CECR2: variants seen among roughly 807,000 people sequenced by gnomAD.
CECR2 encodes CECR2 histone acetyl-lysine reader.
CECR2 carries 30 observed loss-of-function variants against 154.5 expected under a neutral mutation model. That is an observed-to-expected ratio of 0.19 (90% confidence interval 0.15 to 0.26). CECR2 has a LOEUF of 0.26. Ranked by LOEUF, CECR2 falls within the 10% of genes least tolerant of loss-of-function variation. The pLI is 1.00. For missense variants in CECR2, 1,743 were observed against 1,829.3 expected, an observed-to-expected ratio of 0.95 and a Z score of 0.86; for synonymous variants, 725 against 683.7, an observed-to-expected ratio of 1.06 and a Z score of -0.94.
intron 2 of CECR2, among the ~76,000 whole-genome samples, 189 bp from the exon 3 acceptor site, chr22:17,497,214 G>GAGCCC (rs746802220): frequency 3.9e-5 from 6 of 152,048 alleles, no homozygotes; most frequent in Non-Finnish European, 7.4e-5. Context: ...AAAATCTTTT[G>GAGCCC]AGCCCAGGAG....
intron 17 of CECR2, among the ~76,000 whole-genome samples, chr22:17,550,966 G>C (rs564070157): frequency 6.6e-6 from 1 of 152,186 alleles, no homozygotes; most frequent in Admixed American, 6.5e-5. Flanking sequence ...ATGAAGCATA[G>C]TCTTGAAACC....
chr22:17,377,130 TC>T (rs2063128133), intron 1 of CECR2, among the ~76,000 whole-genome samples: 1 of 152,318 alleles, frequency 6.6e-6, no homozygotes, highest in African/African-American at 2.4e-5. Context: ...TCTTAACTAA[TC>T]TAGAAAATTG....
At position 17,542,525 on chromosome 22, in the gene CECR2, G is replaced by A; in HGVS notation, c.2382G>A (p.Leu794=). ...TGGGCCCAGATGAGAAGCCCCACCTGGGGCCAGGACCCTCTCACCAGCCTC... is the reference window on the plus strand; with the variant it reads ...TGGGCCCAGATGAGAAGCCCCACCTAGGGCCAGGACCCTCTCACCAGCCTC... The part of the protein sequence containing the change: ...GPLGPDEKPH[L]GPGPSHQPRT... Residue 794 remains leucine, a synonymous_variant, in exon 16 of 19, where the codon CTG becomes CTA. Coordinates refer to ENST00000262608, the MANE Select transcript of CECR2 (RefSeq NM_001290047.2). 6.2e-7 allele frequency: 1 copy of A among 1,613,998 alleles called. No homozygotes were observed. Among genetic ancestry groups the A allele is most frequent in the South Asian group, 1.1e-5 (1 of 91,088 alleles).
chr22:17,363,528 A>T (rs931620424), intron 1 of CECR2, among the ~76,000 whole-genome samples: 14 of 152,008 alleles, frequency 9.2e-5, no homozygotes, highest in Non-Finnish European at 4.4e-5. Flanking sequence ...TTTTAAGCAA[A>T]GACAGGGTTT....
chr22:17,409,367 G>A (rs947597386), intron 1 of CECR2, among the ~76,000 whole-genome samples: 2 of 110,916 alleles, frequency 1.8e-5, no homozygotes, highest in Admixed American at 1.9e-4. Flanking sequence ...TCTTGACCTC[G>A]TGATCTGCCT....
At chr22:17,474,781 T>C (rs2055182044) in intron 1 of CECR2, among the ~76,000 whole-genome samples, 1 of 152,324 alleles carries the variant, frequency 6.6e-6, no homozygotes, top group South Asian at 2.1e-4. Context: ...AGTCACCTCC[T>C]TGAAAACACC....
intron 1 of CECR2, among the ~76,000 whole-genome samples, chr22:17,474,935 T>C (rs1007618366): frequency 3.3e-5 from 5 of 152,164 alleles, no homozygotes; most frequent in African/African-American, 4.8e-5. Context: ...AGTGTTGCCT[T>C]TATTATTTAA....
At chr22:17,383,592 GAAAA>G (rs927819607) in intron 1 of CECR2, among the ~76,000 whole-genome samples, 1 of 143,770 alleles carries the variant, frequency 7.0e-6, no homozygotes, top group Non-Finnish European at 1.5e-5. Flanking sequence ...GAAAAGAAAA[GAAAA>G]AACTCCTCCA....
chr22:17,484,512 CTGT>C (rs566323547), intron 2 of CECR2, among the ~76,000 whole-genome samples: 107 of 152,020 alleles, frequency 7.0e-4, no homozygotes, highest in African/African-American at 2.4e-3. Context: ...GACTGTTTTT[CTGT>C]TGTTGTTTTT....
intron 1 of CECR2, among the ~76,000 whole-genome samples, chr22:17,402,751 CTTCTT>C (rs2053914880): frequency 7.8e-6 from 1 of 128,552 alleles, no homozygotes; most frequent in Non-Finnish European, 1.6e-5. Flanking sequence ...TCTTTCTTTT[CTTCTT>C]TTTTTTTTTT....
Position 17,553,073 on chromosome 22 carries a change from T to C in CECR2, c.*233T>C. The C allele has an allele frequency of 1.0e-6, 1 of 952,486 alleles. No homozygotes were observed. The highest frequency in any genetic ancestry group is 3.7e-5 in the South Asian group (1 of 27,372). The allele number at this position is 952,486 out of a possible 1,614,324, so 59.0% of individuals were successfully genotyped here. A position where few individuals can be genotyped will look rare whatever the true frequency, so the allele number is the denominator to read the frequency against. On this transcript the variant is annotated 3_prime_UTR_variant, in exon 19 of 19. Transcript: ENST00000262608. Reference sequence around the variant, plus strand: ...GGCCAGGGATCTCTTGCACAGCTGATGTAGACAGTCAGGCAAAACTAATGA... The same window carrying C: ...GGCCAGGGATCTCTTGCACAGCTGACGTAGACAGTCAGGCAAAACTAATGA...
rs1259414454 is a variant in CECR2 at position 17,524,265 on chromosome 22, G to A, written c.1102G>A (p.Val368Met). The change falls in exon 9 of 19, where the codon GTG becomes ATG. Residue 368 changes from valine (V) to methionine (M), a missense_variant. Coordinates refer to ENST00000262608, the MANE Select transcript of CECR2 (RefSeq NM_001290047.2). ...CGAGTTGGAGGAGAAGGTCAAGGCA[G>A]TGGAAGGTATGTGCAGTGTCCGCGT... Reference protein sequence around the residue: ...KRELEEKVKAVEDRAKRRKLR... With the variant: ...KRELEEKVKAMEDRAKRRKLR... The A allele has an allele frequency of 1.2e-6, 2 of 1,608,590 alleles. No individual in the cohort carries two copies. Among genetic ancestry groups the A allele is most frequent in the South Asian group, 2.2e-5 (2 of 89,714 alleles).
intron 1 of CECR2, among the ~76,000 whole-genome samples, chr22:17,448,147 T>C (rs572928182): frequency 2.4e-4 from 37 of 152,342 alleles, no homozygotes; most frequent in Middle Eastern, 3.4e-3. Flanking sequence ...TTCCTTTTCA[T>C]GTCAGATAAT....
chr22:17,481,666 A>G (rs1047793940), intron 2 of CECR2, among the ~76,000 whole-genome samples: 8 of 152,298 alleles, frequency 5.3e-5, no homozygotes, highest in African/African-American at 1.9e-4. Context: ...GGCAGACCTC[A>G]TGTACGACAG....
At chr22:17,383,873 A>C (rs980668595) in intron 1 of CECR2, among the ~76,000 whole-genome samples, 13 of 151,916 alleles carry the variant, frequency 8.6e-5, no homozygotes, top group Non-Finnish European at 1.6e-4. Flanking sequence ...GGGTTTCACT[A>C]TGTTGGCCAG....
chr22:17,455,133 T>TA (rs1387565459), intron 1 of CECR2, among the ~76,000 whole-genome samples: 4 of 152,132 alleles, frequency 2.6e-5, no homozygotes, highest in Non-Finnish European at 5.9e-5. Flanking sequence ...CTGAGAAAGG[T>TA]AAAAACACCT....
intron 7 of CECR2, among the ~76,000 whole-genome samples, chr22:17,509,434 T>TC (rs1017613576): frequency 2.6e-5 from 4 of 151,148 alleles, no homozygotes; most frequent in Admixed American, 2.6e-4. Context: ...TTTCTTTTTT[T>TC]TTTTTTTAAA....
intron 9 of CECR2, among the ~76,000 whole-genome samples, chr22:17,536,544 G>A (rs868511478): frequency 3.2e-4 from 48 of 152,350 alleles, no homozygotes; most frequent in African/African-American, 1.1e-3. Flanking sequence ...CCCACTGGCG[G>A]CAGGGCCTGC....
chr22:17,543,073 A>C, intron 16 of CECR2, 70 bp downstream of exon 16: 17 of 1,452,084 alleles, frequency 1.2e-5, no homozygotes, highest in Non-Finnish European at 1.4e-5. Flanking sequence ...ACAGCATATC[A>C]AACCAAGTGT....
Sources: allele counts gnomAD v4.1 joint callset (sites outside exome capture counted in the v4.1 genomes callset), GRCh38; gene constraint gnomAD v4.1.1; transcripts MANE v1.5; gene names NCBI Gene and HGNC (gene_info 2026-07-23, HGNC 2026-07-21).